The following CDC14B variants were observed in gnomAD, a reference collection of about 807,000 sequenced individuals.
The protein encoded by CDC14B is dual specificity protein phosphatase CDC14B.
Under a neutral mutation model 64.2 loss-of-function variants are expected in CDC14B, and 22 were observed. That is an observed-to-expected ratio of 0.34 (90% confidence interval 0.24 to 0.49). The LOEUF (loss-of-function observed/expected upper bound fraction) is 0.49. Ranked by LOEUF, CDC14B falls within the 20% of genes least tolerant of loss-of-function variation. The probability of loss-of-function intolerance (pLI) is 0.99; values close to 1 mark genes in which losing one functional copy is unlikely to be tolerated. For missense variants in CDC14B, 498 were observed against 629.9 expected (o/e 0.79, Z 2.24); for synonymous variants, 191 against 215.8 (o/e 0.89, Z 1.01).
At chr9:96,611,211 G>C (rs1414433249) in intron 1 of CDC14B, among the ~76,000 whole-genome samples, 1 of 152,114 alleles carries the variant, frequency 6.6e-6, no homozygotes, top group Non-Finnish European at 1.5e-5. Context: ...AATCAATTTT[G>C]GAAAATGTTT....
At chr9:96,565,549 C>T in intron 1 of CDC14B, 66 bp from the exon 2 acceptor site, 1 of 995,682 alleles carries the variant, frequency 1.0e-6, no homozygotes, top group Non-Finnish European at 1.6e-6. Context: ...TATCATGACA[C>T]AACTCTTTTC....
At chr9:96,596,088 G>A (rs986991339) in intron 1 of CDC14B, among the ~76,000 whole-genome samples, 3 of 152,124 alleles carry the variant, frequency 2.0e-5, no homozygotes, top group Non-Finnish European at 4.4e-5. Flanking sequence ...AAAAGGCTGG[G>A]CATGATGGCT....
intron 13 of CDC14B, among the ~76,000 whole-genome samples, chr9:96,508,620 T>G (rs1408816118): frequency 6.6e-6 from 1 of 152,226 alleles, no homozygotes; most frequent in Non-Finnish European, 1.5e-5. Context: ...CCTCCAATCC[T>G]TATGCCGGGG....
At position 96,523,382 on chromosome 9, in the gene CDC14B, C is replaced by T. The variant is rs768605478; in HGVS notation, c.1124G>A (p.Arg375His). The T allele has an allele frequency of 5.3e-5, 86 of 1,614,000 alleles. No individual in the cohort carries two copies. Among genetic ancestry groups the T allele is most frequent in the Non-Finnish European group, 6.6e-5 (78 of 1,180,024 alleles). Residue 375 changes from arginine (R) to histidine (H), a missense_variant, in exon 11 of 14, where the codon CGT (arginine) becomes CAT (histidine). Transcript: ENST00000375241. The stretch of plus-strand genomic sequence containing the variant: ...ATTCTCCTGCCCCTTTAACTTCTGA[C>T]GAAAATAGTCCCCTTCCAGCCAGAG... ...TNLWLEGDYF[R>H]QKLKGQENGQ...
downstream of CDC14B, chr9:96,496,114 C>A: frequency 2.8e-6 from 1 of 359,182 alleles, no homozygotes; most frequent in Non-Finnish European, 5.5e-6. Flanking sequence ...GGTGTCAGCC[C>A]GGCCATTCCC....
chr9:96,528,477 G>T (rs984340401), intron 9 of CDC14B, among the ~76,000 whole-genome samples: 1 of 151,822 alleles, frequency 6.6e-6, no homozygotes, highest in African/African-American at 2.4e-5. Context: ...AGCCAAGATT[G>T]CACCACAGCA....
intron 13 of CDC14B, among the ~76,000 whole-genome samples, chr9:96,495,078 C>T (rs796547573): frequency 6.6e-6 from 1 of 151,986 alleles, no homozygotes; most frequent in Admixed American, 6.6e-5. Context: ...TCATGATCCA[C>T]CTGCCTCAGC....
chr9:96,528,193 GA>G (rs1411849733), intron 9 of CDC14B, among the ~76,000 whole-genome samples: 1 of 152,078 alleles, frequency 6.6e-6, no homozygotes, highest in Non-Finnish European at 1.5e-5. Context: ...TCCTCTGATG[GA>G]AACCTGGATT....
intron 9 of CDC14B, among the ~76,000 whole-genome samples, chr9:96,530,653 A>AT (rs57789654): frequency 0.033 from 4,498 of 137,966 alleles, 169 homozygotes; most frequent in African/African-American, 0.094. Flanking sequence ...TCTAATTTCG[A>AT]TTTTTTTTTT....
intron 1 of CDC14B, among the ~76,000 whole-genome samples, chr9:96,584,379 G>A (rs764514197): frequency 2.6e-5 from 4 of 152,026 alleles, no homozygotes; most frequent in Non-Finnish European, 4.4e-5. Context: ...CCAGCAGTAT[G>A]GTACAAAGAA....
rs185067721 is a variant in CDC14B at position 96,609,608 on chromosome 9, T to C, written c.160+9611A>G. On this transcript the variant is annotated intron_variant, in intron 1 of 13. Coordinates refer to ENST00000375241, the MANE Select transcript of CDC14B (RefSeq NM_033331.4). ...TAAATGAGCAAAACGCAAAGAATGA[T>C]TCAGCTGAGATGGTCCTAAAATTGA... Among the ~76,000 whole-genome samples the C allele has an allele frequency of 3.1e-4, 47 of 152,332 alleles. No homozygotes were observed. In the East Asian group the frequency reaches 8.7e-3, roughly 28 times the overall value.
At chr9:96,583,398 T>G (rs1046353158) in intron 1 of CDC14B, among the ~76,000 whole-genome samples, 2 of 145,778 alleles carry the variant, frequency 1.4e-5, no homozygotes, top group Non-Finnish European at 3.0e-5. Flanking sequence ...ATTATTATTA[T>G]TATTATTATT....
chr9:96,513,508 A>G (rs1035465622), intron 12 of CDC14B, among the ~76,000 whole-genome samples: 5 of 152,108 alleles, frequency 3.3e-5, no homozygotes, highest in Non-Finnish European at 5.9e-5. Context: ...AAAATCCTCC[A>G]TCCTACCTAC....
chr9:96,560,556 G>T (rs1843007243), intron 4 of CDC14B, among the ~76,000 whole-genome samples: 1 of 150,712 alleles, frequency 6.6e-6, no homozygotes. Flanking sequence ...TTTCTTTCTT[G>T]GGTTCATACA....
chr9:96,573,997 C>CT (rs1844637407), intron 1 of CDC14B, among the ~76,000 whole-genome samples: 1 of 151,788 alleles, frequency 6.6e-6, no homozygotes, highest in Non-Finnish European at 1.5e-5. Flanking sequence ...AATACAAAAA[C>CT]TTAGCCGGGC....
At chr9:96,564,648 T>A (rs16905626) in intron 3 of CDC14B, 129 bp downstream of exon 3, 1 of 539,752 alleles carries the variant, frequency 1.9e-6, no homozygotes, top group African/African-American at 1.9e-5. Context: ...AAGAAAACCA[T>A]GTGCATGTCC....
At chr9:96,596,062 A>C (rs1213584218) in intron 1 of CDC14B, among the ~76,000 whole-genome samples, 1 of 151,958 alleles carries the variant, frequency 6.6e-6, no homozygotes, top group Non-Finnish European at 1.5e-5. Flanking sequence ...TGTTATTTAA[A>C]AAGAAAAGAA....
At position 96,590,939 on chromosome 9, in the gene CDC14B, C is replaced by T. The variant is rs1388294482; in HGVS notation, c.161-25456G>A. On this transcript the variant is annotated intron_variant, in intron 1 of 13. Transcript: ENST00000375241. ...GAAAACTGTTGATTCAAGCCCTTTG[C>T]GTATTTTTTAATTGGTTTGTTTTCA... Among the ~76,000 whole-genome samples, 9 of 152,202 alleles carry T rather than the reference C, an allele frequency of 5.9e-5. No individual in the cohort carries two copies. In the East Asian group the frequency reaches 7.7e-4, roughly 13 times the overall value.
chr9:96,516,942 C>A (rs1407386987), intron 12 of CDC14B, among the ~76,000 whole-genome samples: 2 of 151,956 alleles, frequency 1.3e-5, no homozygotes, highest in Non-Finnish European at 1.5e-5. Flanking sequence ...GCATGTGCCA[C>A]CATGCCCAGC....
Sources: allele counts gnomAD v4.1 joint callset (sites outside exome capture counted in the v4.1 genomes callset), GRCh38; gene constraint gnomAD v4.1.1; transcripts MANE v1.5; gene names NCBI Gene and HGNC (gene_info 2026-07-23, HGNC 2026-07-21).